The following CFAP70 variants were observed in gnomAD, a reference collection of about 807,000 sequenced individuals.
The protein encoded by CFAP70 is cilia and flagella associated protein 70, also known as cilia- and flagella-associated protein 70.
CFAP70 carries 81 observed loss-of-function variants against 137.6 expected under a neutral mutation model. The observed-to-expected ratio is 0.59, with a 90% CI of 0.49 to 0.71. The LOEUF is 0.71. Among genes scored for constraint, CFAP70 ranks in the 30% least tolerant of loss-of-function variants. The pLI, the probability that CFAP70 is intolerant of heterozygous loss-of-function variation, is 0.00. For synonymous variants in CFAP70, 382 were observed against 423.6 expected (o/e 0.90, Z 1.20); for missense variants, 976 against 1,226.7 (o/e 0.80, Z 3.05).
intron 19 of CFAP70, among the ~76,000 whole-genome samples, chr10:73,285,561 G>T (rs1027877908): frequency 6.6e-6 from 1 of 151,408 alleles, no homozygotes; most frequent in Non-Finnish European, 1.5e-5. Flanking sequence ...GAGCTAACCA[G>T]ATAGACTCTC....
intron 25 of CFAP70, among the ~76,000 whole-genome samples, chr10:73,261,554 A>C (rs371390955): frequency 6.6e-6 from 1 of 152,152 alleles, no homozygotes; most frequent in African/African-American, 2.4e-5. Context: ...AGACTCATTC[A>C]CTACCAGGAG....
chr10:73,347,653 T>C (rs763372526), intron 4 of CFAP70, among the ~76,000 whole-genome samples: 2 of 152,180 alleles, frequency 1.3e-5, no homozygotes, highest in Non-Finnish European at 2.9e-5. Context: ...TTTTGGAATG[T>C]TGAGTTTTAG....
intron 4 of CFAP70, 149 bp from the exon 6 acceptor site, chr10:73,345,393 C>G (rs2053620348): frequency 4.1e-6 from 3 of 733,708 alleles, no homozygotes; most frequent in Admixed American, 5.6e-5. Context: ...CTCTAAGTCC[C>G]ATGAGTTGGA....
chr10:73,315,119 A>C (rs1450385857), intron 9 of CFAP70, among the ~76,000 whole-genome samples: 6 of 151,640 alleles, frequency 4.0e-5, no homozygotes, highest in Non-Finnish European at 5.9e-5. Flanking sequence ...TCAGGAGGCT[A>C]AGGCAAAGGA....
intron 19 of CFAP70, among the ~76,000 whole-genome samples, chr10:73,288,843 C>A (rs1009595464): frequency 6.6e-6 from 1 of 152,232 alleles, no homozygotes; most frequent in Admixed American, 6.5e-5. Flanking sequence ...ATAACAGATT[C>A]TCTTTCCTTC....
intron 11 of CFAP70, among the ~76,000 whole-genome samples, chr10:73,311,481 G>T (rs2049919582): frequency 6.6e-6 from 1 of 152,134 alleles, no homozygotes; most frequent in African/African-American, 2.4e-5. Context: ...TATATACTAT[G>T]ATTAGTTATA....
At chr10:73,358,740 A>T (rs2054873497) in exon 1 of CFAP70, 1 of 152,386 alleles carries the variant, frequency 6.6e-6, no homozygotes, top group South Asian at 2.1e-4. Flanking sequence ...TATGTTTTTG[A>T]CAACTATAGC....
exon 7 of CFAP70, chr10:73,335,460 C>A: frequency 6.2e-7 from 1 of 1,610,980 alleles, no homozygotes; most frequent in Non-Finnish European, 8.5e-7. Context: ...AAGGTAGCAG[C>A]GACTTTCCAA....
At position 73,337,762 on chromosome 10, in the gene CFAP70, C is replaced by T. The variant is rs147378542; in HGVS notation, c.583-2238G>A. 9.8e-4 allele frequency among the ~76,000 whole-genome samples: 149 copies of T among 151,538 alleles called. 1 individual carries two copies. The highest frequency in any genetic ancestry group is 3.3e-3 in the African/African-American group (137 of 41,314). On this transcript the variant is annotated intron_variant, in intron 6 of 26. Transcript: ENST00000310715. ...CTCCACCAAAAATACAAAAATTAGC[C>T]GGGTGTGGTGGCGGGTGCCTGTAAT...
At chr10:73,266,960 A>AT (rs60586336) in intron 25 of CFAP70, among the ~76,000 whole-genome samples, 15,939 of 152,086 alleles carry the variant, frequency 0.1, 1,191 homozygotes, top group East Asian at 0.29. Context: ...ATTTATTTAA[A>AT]AATTAATTCA....
intron 24 of CFAP70, among the ~76,000 whole-genome samples, chr10:73,269,959 C>T (rs1041999971): frequency 6.6e-6 from 1 of 152,196 alleles, no homozygotes; most frequent in Non-Finnish European, 1.5e-5. Context: ...TTAACTTATA[C>T]CCCTTTCTTC....
At chr10:73,254,980 A>G (rs1181595120) in intron 26 of CFAP70, among the ~76,000 whole-genome samples, 1 of 152,244 alleles carries the variant, frequency 6.6e-6, no homozygotes, top group Non-Finnish European at 1.5e-5. Flanking sequence ...CTAATAGAAC[A>G]GGCCAGGCAT....
chr10:73,354,824 T>C (rs1394049274), exon 2 of CFAP70: 1 of 1,608,756 alleles, frequency 6.2e-7, no homozygotes, highest in Non-Finnish European at 8.5e-7. Context: ...GTCCCTCTGT[T>C]TTCTTTGGTC....
chr10:73,293,411 G>T (rs755697116), intron 15 of CFAP70, 23 bp from the exon 17 acceptor site: 1 of 1,555,480 alleles, frequency 6.4e-7, no homozygotes, highest in Admixed American at 2.0e-5. Flanking sequence ...AAGATGTTAG[G>T]TAGACAAAAA....
chr10:73,296,346 C>T (rs2048545952), intron 15 of CFAP70: 1 of 152,178 alleles, frequency 6.6e-6, no homozygotes, highest in Non-Finnish European at 1.5e-5. Context: ...TCCTGTCCTA[C>T]CTTCTCCAGA....
chr10:73,306,438 C>G (rs1054458346), intron 12 of CFAP70, among the ~76,000 whole-genome samples: 2 of 152,056 alleles, frequency 1.3e-5, no homozygotes, highest in East Asian at 3.9e-4. Flanking sequence ...GAAAAAATAT[C>G]AAAAACAGCA....
At chr10:73,334,958 A>G (rs936959741) in intron 7 of CFAP70, among the ~76,000 whole-genome samples, 6 of 148,500 alleles carry the variant, frequency 4.0e-5, no homozygotes, top group Admixed American at 1.4e-4. Flanking sequence ...ATCACAGCTC[A>G]CTGCAGCCTC....
At chr10:73,326,014 C>G (rs2051382917) in intron 8 of CFAP70, among the ~76,000 whole-genome samples, 1 of 151,972 alleles carries the variant, frequency 6.6e-6, no homozygotes, top group Non-Finnish European at 1.5e-5. Flanking sequence ...AACTCTCCAC[C>G]CCAAATCAAC....
chr10:73,272,722 T>C (rs1441274708), intron 24 of CFAP70: 6 of 653,766 alleles, frequency 9.2e-6, no homozygotes, highest in Non-Finnish European at 1.4e-5. Context: ...CAGGTTTTTC[T>C]GGGATTTTTT....
Sources: gnomAD v4.1 joint callset for allele counts (sites outside exome capture counted in the v4.1 genomes callset) on GRCh38, gnomAD v4.1.1 for gene constraint, MANE v1.5 for transcripts, NCBI Gene and HGNC (gene_info 2026-07-23, HGNC 2026-07-21) for gene names.